The following ANO6 variants were observed in gnomAD, a reference collection of about 807,000 sequenced individuals.
The protein encoded by ANO6 is anoctamin-6.
In ANO6, 106 loss-of-function variants were observed where a neutral mutation model predicts 117.5. The observed-to-expected ratio is 0.90, with a 90% confidence interval of 0.77 to 1.06. The LOEUF (loss-of-function observed/expected upper bound fraction) is 1.06, where lower values mean the gene tolerates loss of function less well. Among genes scored for constraint, ANO6 ranks in the 50% least tolerant of loss-of-function variants. The pLI is 0.00. For missense variants in ANO6, 955 were observed against 1,121.1 expected (o/e 0.85, Z 2.12); for synonymous variants, 367 against 385.1 (o/e 0.95, Z 0.55).
Position 45,421,292 on chromosome 12 carries a change from G to A in ANO6, c.2420+19G>A, listed in dbSNP as rs377711693. 111 of 1,609,616 alleles carry A rather than the reference G, an allele frequency of 6.9e-5. No homozygotes were observed. Among genetic ancestry groups the A allele is most frequent in the Non-Finnish European group, 8.4e-5 (99 of 1,176,598 alleles). ...CATGCAGGCAAGTTCTGCTTTACTTGTTTAAAAATGCACTTCATCTTTAAA... is the reference window on the plus strand; with the variant it reads ...CATGCAGGCAAGTTCTGCTTTACTTATTTAAAAATGCACTTCATCTTTAAA... On this transcript the variant is annotated intron_variant, in intron 18 of 19. Transcript: ENST00000320560.
intron 7 of ANO6, among the ~76,000 whole-genome samples, chr12:45,352,001 G>A (rs555240380): frequency 2.0e-5 from 3 of 152,088 alleles, no homozygotes; most frequent in East Asian, 3.9e-4. Flanking sequence ...TTGGGGAGTC[G>A]GGTCGACAGG....
chr12:45,405,351 G>A (rs1168350913), intron 15 of ANO6, among the ~76,000 whole-genome samples: 3 of 152,180 alleles, frequency 2.0e-5, no homozygotes. Flanking sequence ...AACTGGAATT[G>A]AGAAATTCAT....
chr12:45,357,449 C>A (rs1488228461), intron 8 of ANO6, 25 bp downstream of exon 8: 1 of 1,612,384 alleles, frequency 6.2e-7, no homozygotes, highest in African/African-American at 1.3e-5. Context: ...TTCCTTGTTG[C>A]CATGCTGAAA....
At position 45,357,430 on chromosome 12, in the gene ANO6, C is replaced by T; in HGVS notation, c.998+6C>T. The T allele has an allele frequency of 1.2e-6, 2 of 1,613,192 alleles. No individual in the cohort carries two copies. Among genetic ancestry groups the T allele is most frequent in the South Asian group, 1.1e-5 (1 of 91,030 alleles). ...CAAGATAACTGTACATGGAGGTAAC[C>T]TCTGTTTATTCCTTGTTGCCATGCT... On this transcript the variant is annotated splice_donor_region_variant and intron_variant, in intron 8 of 19. Coordinates refer to ENST00000320560, the MANE Select transcript of ANO6 (RefSeq NM_001025356.3).
At chr12:45,288,663 G>A (rs1938994189) in intron 1 of ANO6, among the ~76,000 whole-genome samples, 1 of 152,132 alleles carries the variant, frequency 6.6e-6, no homozygotes, top group Non-Finnish European at 1.5e-5. Flanking sequence ...TGTAAATGTT[G>A]CTATGAACAT....
intron 1 of ANO6, among the ~76,000 whole-genome samples, chr12:45,227,620 T>C (rs973580171): frequency 1.3e-5 from 2 of 152,176 alleles, no homozygotes; most frequent in Non-Finnish European, 2.9e-5. Context: ...TCTTTTTCTT[T>C]TTCTTTTTTT....
chr12:45,333,606 A>T (rs1484325626), intron 3 of ANO6, among the ~76,000 whole-genome samples: 1 of 152,038 alleles, frequency 6.6e-6, no homozygotes, highest in East Asian at 1.9e-4. Flanking sequence ...AAAAATCATC[A>T]TTAATTTTGG....
chr12:45,425,357 C>T (rs1425100350), intron 19 of ANO6, among the ~76,000 whole-genome samples: 3 of 152,076 alleles, frequency 2.0e-5, no homozygotes, highest in Non-Finnish European at 4.4e-5. Flanking sequence ...AGAAGCTGAA[C>T]ATGGATAAAA....
In ANO6 at chr12:45,413,022, A is replaced by G. The variant is rs188659790; in HGVS notation, c.2011+3535A>G. Among the ~76,000 whole-genome samples, 393 of 152,360 alleles carry G rather than the reference A, an allele frequency of 2.6e-3. 2 individuals are homozygous for G. Among genetic ancestry groups the G allele is most frequent in the African/African-American group, 8.9e-3 (371 of 41,584 alleles). ...CAAAGGACTCACAGGTGGGAATATC[A>G]GGTAGGCAGGGGCCATATCATGATG... is the stretch of plus-strand genomic sequence containing the variant. On this transcript the variant is annotated intron_variant, in intron 16 of 19. Coordinates refer to ENST00000320560, the MANE Select transcript of ANO6 (RefSeq NM_001025356.3).
chr12:45,288,149 G>A lies in ANO6; in HGVS notation c.71-13865G>A, dbSNP rs116511989. ...TGCTCACCCATCTAGGTGTTAGAAA[G>A]CACCTACTGCCTGGTACAGCCTAGC... On this transcript the variant is annotated intron_variant, in intron 1 of 19. Coordinates refer to ENST00000320560, the MANE Select transcript of ANO6 (RefSeq NM_001025356.3). Among the ~76,000 whole-genome samples the A allele has an allele frequency of 2.1e-3, 317 of 152,244 alleles. 1 individual carries two copies. The highest frequency in any genetic ancestry group is 7.1e-3 in the African/African-American group (296 of 41,548).
At chr12:45,333,499 A>G (rs765955287) in intron 3 of ANO6, among the ~76,000 whole-genome samples, 1 of 152,062 alleles carries the variant, frequency 6.6e-6, no homozygotes, top group African/African-American at 2.4e-5. Flanking sequence ...CTTTACTGCC[A>G]TGATGAAGGG....
chr12:45,304,083 T>C (rs1415664857), intron 2 of ANO6, among the ~76,000 whole-genome samples: 1 of 152,208 alleles, frequency 6.6e-6, no homozygotes, highest in Non-Finnish European at 1.5e-5. Flanking sequence ...CTGATGCTCA[T>C]TAAGGTCACT....
intron 15 of ANO6, among the ~76,000 whole-genome samples, chr12:45,408,062 TAGC>T (rs1341345762): frequency 1.3e-5 from 2 of 152,302 alleles, no homozygotes; most frequent in East Asian, 3.9e-4. Context: ...CTGAGATCAA[TAGC>T]AGTGGGAAAC....
At chr12:45,364,608 A>G (rs1941638036) in intron 8 of ANO6, among the ~76,000 whole-genome samples, 1 of 151,820 alleles carries the variant, frequency 6.6e-6, no homozygotes, top group Non-Finnish European at 1.5e-5. Context: ...TTTTTATTTT[A>G]GTTATTGTAC....
chr12:45,377,540 T>C (rs1169973654), intron 9 of ANO6, among the ~76,000 whole-genome samples: 2 of 152,220 alleles, frequency 1.3e-5, no homozygotes, highest in Non-Finnish European at 2.9e-5. Context: ...AGAGTTCTCC[T>C]GGAGGAGAGC....
chr12:45,293,607 C>T (rs1482003490), intron 1 of ANO6, among the ~76,000 whole-genome samples: 1 of 151,938 alleles, frequency 6.6e-6, no homozygotes, highest in African/African-American at 2.4e-5. Flanking sequence ...TGTTGCCAGG[C>T]TGGAGTGCAG....
At chr12:45,393,625 C>T (rs952668241) in intron 12 of ANO6, among the ~76,000 whole-genome samples, 3 of 152,168 alleles carry the variant, frequency 2.0e-5, no homozygotes, top group Non-Finnish European at 4.4e-5. Context: ...AAGGGAAGCC[C>T]ATCAGACTAA....
At chr12:45,222,362 T>C (rs924603235) in intron 1 of ANO6, among the ~76,000 whole-genome samples, 3 of 152,090 alleles carry the variant, frequency 2.0e-5, no homozygotes, top group African/African-American at 7.2e-5. Context: ...GGTTTCGCCA[T>C]GTTGGCTAGG....
At chr12:45,434,389 C>T (rs1181962198), downstream of ANO6, among the ~76,000 whole-genome samples, 1 of 152,236 alleles carries the variant, frequency 6.6e-6, no homozygotes, top group Non-Finnish European at 1.5e-5. Flanking sequence ...AGCGACAGCA[C>T]TGGCTGCAAC....
Sources: gnomAD v4.1 joint callset for allele counts (sites outside exome capture counted in the v4.1 genomes callset) on GRCh38, gnomAD v4.1.1 for gene constraint, MANE v1.5 for transcripts, NCBI Gene and HGNC (gene_info 2026-07-23, HGNC 2026-07-21) for gene names.